The following SNTG1 variants were observed in gnomAD, a reference collection of about 807,000 sequenced individuals.
The protein encoded by SNTG1 is syntrophin gamma 1.
SNTG1 carries 39 observed loss-of-function variants against 74.7 expected under a neutral mutation model. That is an observed-to-expected ratio of 0.52 (90% confidence interval 0.40 to 0.68). The LOEUF is 0.68. Among genes scored for constraint, SNTG1 ranks in the 30% least tolerant of loss-of-function variants. The probability of loss-of-function intolerance (pLI) is 0.00; values close to 1 mark genes in which losing one functional copy is unlikely to be tolerated. For missense variants in SNTG1, 685 were observed against 609.5 expected, an observed-to-expected ratio of 1.12 and a Z score of -1.30; for synonymous variants, 254 against 217.1, an observed-to-expected ratio of 1.17 and a Z score of -1.49.
chr8:49,968,504 A>G (rs1184702551), intron 1 of SNTG1, among the ~76,000 whole-genome samples: 2 of 152,194 alleles, frequency 1.3e-5, no homozygotes, highest in African/African-American at 4.8e-5. Context: ...AAGTGGAAAG[A>G]TCCAGATCAC....
chr8:50,740,739 T>C (rs1174966516), intron 17 of SNTG1, among the ~76,000 whole-genome samples: 3 of 151,988 alleles, frequency 2.0e-5, no homozygotes, highest in Non-Finnish European at 4.4e-5. Flanking sequence ...GGAGTCAATC[T>C]AAATGCCCAT....
At chr8:50,514,225 T>C in intron 9 of SNTG1, among the ~76,000 whole-genome samples, 1 of 152,330 alleles carries the variant, frequency 6.6e-6, no homozygotes, top group East Asian at 1.9e-4. Context: ...TGCTCTAATC[T>C]TTATAATGGC....
At chr8:50,403,112 G>C (rs376086003) in intron 4 of SNTG1, among the ~76,000 whole-genome samples, 1 of 152,294 alleles carries the variant, frequency 6.6e-6, no homozygotes, top group East Asian at 1.9e-4. Context: ...CAATGTTGCC[G>C]TATGTGATCT....
intron 4 of SNTG1, among the ~76,000 whole-genome samples, chr8:50,429,652 T>C (rs920529233): frequency 5.3e-5 from 8 of 152,086 alleles, no homozygotes; most frequent in African/African-American, 1.9e-4. Context: ...ATCATAAAAA[T>C]TTAAAACTTT....
At chr8:50,261,107 T>G (rs1445706257) in intron 2 of SNTG1, among the ~76,000 whole-genome samples, 3 of 152,138 alleles carry the variant, frequency 2.0e-5, no homozygotes, top group Admixed American at 6.5e-5. Context: ...GCATATTATA[T>G]TCAAACTGCA....
intron 15 of SNTG1, among the ~76,000 whole-genome samples, chr8:50,661,412 A>T (rs529255738): frequency 1.3e-5 from 2 of 152,322 alleles, no homozygotes; most frequent in East Asian, 3.9e-4. Flanking sequence ...AAGTCATCTT[A>T]ACTTATGCGG....
intron 2 of SNTG1, among the ~76,000 whole-genome samples, chr8:50,271,412 G>C (rs1380789): frequency 0.48 from 72,795 of 151,940 alleles, 19,658 homozygotes; most frequent in East Asian, 0.83. Flanking sequence ...TTTAAAATTA[G>C]TAAATATTTT....
At chr8:50,384,663 G>A (rs1411468334) in intron 2 of SNTG1, among the ~76,000 whole-genome samples, 24 of 152,260 alleles carry the variant, frequency 1.6e-4, no homozygotes. Flanking sequence ...CCTGCATATT[G>A]TGCAGAACCA....
intron 8 of SNTG1, among the ~76,000 whole-genome samples, chr8:50,484,102 C>CCCTT (rs2093763789): frequency 9.0e-6 from 1 of 110,848 alleles, no homozygotes; most frequent in African/African-American, 3.6e-5. Context: ...CTTTCTTTCT[C>CCCTT]TCTTTCTTTC....
chr8:50,719,009 A>T (rs1459801058), intron 17 of SNTG1, among the ~76,000 whole-genome samples: 1 of 152,206 alleles, frequency 6.6e-6, no homozygotes, highest in African/African-American at 2.4e-5. Context: ...TTTACTATCC[A>T]TTGAACTGGC....
At chr8:50,173,479 G>C (rs774562866) in intron 2 of SNTG1, among the ~76,000 whole-genome samples, 57 of 152,194 alleles carry the variant, frequency 3.7e-4, no homozygotes, top group Non-Finnish European at 6.9e-4. Flanking sequence ...AAAGTATACT[G>C]TGTGCATATT....
At chr8:50,522,577 C>CT (rs34011488) in intron 9 of SNTG1, among the ~76,000 whole-genome samples, 5,724 of 127,054 alleles carry the variant, frequency 0.045, 181 homozygotes, top group African/African-American at 0.069. Context: ...GACTTCCTTC[C>CT]TTTTTTTTTT....
At chr8:50,376,916 T>C (rs949859220) in intron 2 of SNTG1, among the ~76,000 whole-genome samples, 5 of 151,882 alleles carry the variant, frequency 3.3e-5, no homozygotes, top group Non-Finnish European at 7.4e-5. Context: ...TTAGAACTTC[T>C]TTTATCCTCA....
chr8:50,344,421 T>C (rs1466760430), intron 2 of SNTG1, among the ~76,000 whole-genome samples: 1 of 152,162 alleles, frequency 6.6e-6, no homozygotes, highest in African/African-American at 2.4e-5. Context: ...GCAGGCAGCC[T>C]CACATCTGCC....
intron 4 of SNTG1, among the ~76,000 whole-genome samples, chr8:50,422,700 G>A (rs2093108501): frequency 6.6e-6 from 1 of 152,132 alleles, no homozygotes; most frequent in South Asian, 2.1e-4. Flanking sequence ...GGTGGGGCCA[G>A]ATGGAGCCAG....
At position 50,136,427 on chromosome 8, in the gene SNTG1, G is replaced by A. The variant is rs542171678; in HGVS notation, c.-102-36134G>A. On this transcript the variant is annotated intron_variant, in intron 1 of 18. Coordinates refer to ENST00000642720, the MANE Select transcript of SNTG1 (RefSeq NM_018967.5). The stretch of plus-strand genomic sequence containing the variant: ...GCCACACCAGCATCTGTTATGTTTT[G>A]ACCTTTCAGTAATAGCCATTCTGAC... Among the ~76,000 whole-genome samples the A allele has an allele frequency of 2.6e-5, 4 of 152,206 alleles. 1 individual carries two copies. The South Asian group carries it at 8.3e-4, about 32-fold the overall frequency.
At chr8:50,083,751 T>C (rs1038902999) in intron 1 of SNTG1, among the ~76,000 whole-genome samples, 1 of 152,212 alleles carries the variant, frequency 6.6e-6, no homozygotes, top group African/African-American at 2.4e-5. Context: ...GATATAGTCC[T>C]GTTTCCTGAG....
At chr8:50,497,103 A>G (rs1333535323) in intron 8 of SNTG1, among the ~76,000 whole-genome samples, 1 of 152,040 alleles carries the variant, frequency 6.6e-6, no homozygotes, top group East Asian at 1.9e-4. Flanking sequence ...AAGTGACCTT[A>G]TATTTTAAAA....
At chr8:50,272,254 A>G (rs2130298250) in intron 2 of SNTG1, among the ~76,000 whole-genome samples, 1 of 152,350 alleles carries the variant, frequency 6.6e-6, no homozygotes, top group East Asian at 1.9e-4. Context: ...TGTATTTCCA[A>G]GAATTACCCT....
Sources: allele counts gnomAD v4.1 joint callset (sites outside exome capture counted in the v4.1 genomes callset), GRCh38; gene constraint gnomAD v4.1.1; transcripts MANE v1.5; gene names NCBI Gene and HGNC (gene_info 2026-07-23, HGNC 2026-07-21).